The following CNTNAP5 variants were observed in gnomAD, a reference collection of about 807,000 sequenced individuals.
The protein encoded by CNTNAP5 is contactin-associated protein-like 5.
Under a neutral mutation model 150.2 loss-of-function variants are expected in CNTNAP5, and 72 were observed. The observed-to-expected ratio is 0.48, with a 90% CI of 0.40 to 0.58. The LOEUF (loss-of-function observed/expected upper bound fraction) is 0.58, where lower values mean the gene tolerates loss of function less well. Among genes scored for constraint, CNTNAP5 ranks in the 20% least tolerant of loss-of-function variants. CNTNAP5 has a pLI of 0.00. For synonymous variants in CNTNAP5, 672 were observed against 619.8 expected (o/e 1.08, Z -1.25); for missense variants, 1,636 against 1,626.2 (o/e 1.01, Z -0.10).
At chr2:124,203,264 C>T (rs778333538) in intron 1 of CNTNAP5, among the ~76,000 whole-genome samples, 1 of 152,188 alleles carries the variant, frequency 6.6e-6, no homozygotes, top group Non-Finnish European at 1.5e-5. Flanking sequence ...CCAGGTCATG[C>T]CAGTGAAAGA....
intron 1 of CNTNAP5, among the ~76,000 whole-genome samples, chr2:124,102,331 A>G (rs1683083245): frequency 6.6e-6 from 1 of 152,188 alleles, no homozygotes; most frequent in Non-Finnish European, 1.5e-5. Context: ...AAATTGCTGA[A>G]TAATAAAATA....
intron 12 of CNTNAP5, among the ~76,000 whole-genome samples, chr2:124,638,024 T>C (rs190159533): frequency 6.6e-6 from 1 of 152,158 alleles, no homozygotes; most frequent in Admixed American, 6.5e-5. Context: ...TCATTGTTTC[T>C]GGGCCCTTTC....
intron 3 of CNTNAP5, among the ~76,000 whole-genome samples, chr2:124,406,499 T>C (rs1227371790): frequency 6.6e-6 from 1 of 152,216 alleles, no homozygotes; most frequent in Non-Finnish European, 1.5e-5. Flanking sequence ...TGAACTGACT[T>C]TTAAAATGTT....
chr2:124,467,945 A>G (rs1186627607), intron 6 of CNTNAP5, among the ~76,000 whole-genome samples: 1 of 152,136 alleles, frequency 6.6e-6, no homozygotes, highest in Admixed American at 6.6e-5. Context: ...TATTGGGTAT[A>G]TATTGGGTTA....
At chr2:124,796,538 T>C (rs1168849422) in intron 18 of CNTNAP5, among the ~76,000 whole-genome samples, 1 of 152,206 alleles carries the variant, frequency 6.6e-6, no homozygotes, top group East Asian at 1.9e-4. Flanking sequence ...CAAAACACTT[T>C]CTCTGAACCT....
chr2:124,155,348 C>T (rs1447208359), intron 1 of CNTNAP5, among the ~76,000 whole-genome samples: 1 of 152,036 alleles, frequency 6.6e-6, no homozygotes, highest in Non-Finnish European at 1.5e-5. Flanking sequence ...TTTCATTTGC[C>T]AATACCACTT....
intron 3 of CNTNAP5, among the ~76,000 whole-genome samples, chr2:124,293,373 G>A (rs1182363784): frequency 1.3e-5 from 2 of 151,958 alleles, no homozygotes; most frequent in Non-Finnish European, 2.9e-5. Flanking sequence ...GCATTGAATA[G>A]TATTCTCTGA....
intron 13 of CNTNAP5, among the ~76,000 whole-genome samples, chr2:124,739,942 GA>G (rs1256834869): frequency 3.9e-5 from 6 of 151,966 alleles, no homozygotes; most frequent in Non-Finnish European, 5.9e-5. Flanking sequence ...TAAATGTTAT[GA>G]GCTCTTTTAG....
At chr2:124,585,036 T>C (rs4848940) in intron 11 of CNTNAP5, among the ~76,000 whole-genome samples, 75,530 of 152,006 alleles carry the variant, frequency 0.5, 19,248 homozygotes, top group East Asian at 0.72. Flanking sequence ...CCAGAAGGCT[T>C]CAGGAACCGT....
Position 124,366,842 on chromosome 2 carries a change from G to A in CNTNAP5, c.382-50601G>A, listed in dbSNP as rs559135898. ...CGCTCCTACACATGGGCCAGTCTTA[G>A]GTAGGCCCCAGGAAGGAGGCATAAC... is the stretch of plus-strand genomic sequence containing the variant. On this transcript the variant is annotated intron_variant, in intron 3 of 23. Transcript: ENST00000682447. Among the ~76,000 whole-genome samples, 221 of 152,224 alleles carry A rather than the reference G, an allele frequency of 1.5e-3. 1 individual carries two copies. Among genetic ancestry groups the A allele is most frequent in the African/African-American group, 5.2e-3 (214 of 41,538 alleles).
intron 10 of CNTNAP5, among the ~76,000 whole-genome samples, chr2:124,531,178 C>T (rs755353334): frequency 3.3e-5 from 5 of 151,790 alleles, no homozygotes; most frequent in Non-Finnish European, 7.4e-5. Flanking sequence ...GAGTGTGCAA[C>T]CTGGATCCCT....
Position 124,713,180 on chromosome 2 carries a change from CTCCT to C in CNTNAP5, c.2078-34036_2078-34033del, listed in dbSNP as rs1553434363. ...CCTCCCTCCCTCCCTCTCTCTTTTC[CTCCT>C]TCCTTCCTTCCTCCCTCCCTTCCTT... On this transcript the variant is annotated intron_variant, in intron 13 of 23. Transcript: ENST00000682447. Among the ~76,000 whole-genome samples the C allele has an allele frequency of 1.7e-4, 17 of 101,366 alleles. 1 individual carries two copies. Among genetic ancestry groups the C allele is most frequent in the East Asian group, 7.1e-4 (2 of 2,806 alleles). The allele number at this position is 101,366 out of a possible 152,430, so 66.5% of individuals were successfully genotyped here.
chr2:124,505,921 A>G (rs1383811947), intron 8 of CNTNAP5, among the ~76,000 whole-genome samples: 1 of 152,210 alleles, frequency 6.6e-6, no homozygotes, highest in Non-Finnish European at 1.5e-5. Flanking sequence ...AACATCCATC[A>G]TGGATTATAC....
intron 13 of CNTNAP5, among the ~76,000 whole-genome samples, chr2:124,689,653 G>A (rs1270187455): frequency 6.6e-6 from 1 of 152,076 alleles, no homozygotes; most frequent in South Asian, 2.1e-4. Context: ...GAATGTGCAT[G>A]TGTGTTTATG....
chr2:124,082,822 T>C (rs945183648), intron 1 of CNTNAP5, among the ~76,000 whole-genome samples: 2 of 152,224 alleles, frequency 1.3e-5, no homozygotes, highest in Admixed American at 6.5e-5. Flanking sequence ...CACTATTTTT[T>C]ACTTTAGACA....
At chr2:124,460,786 A>G (rs2104820410) in intron 6 of CNTNAP5, among the ~76,000 whole-genome samples, 1 of 152,314 alleles carries the variant, frequency 6.6e-6, no homozygotes, top group South Asian at 2.1e-4. Context: ...TCTCTCTAAT[A>G]ACAGACCTGA....
rs187391126 is a variant in CNTNAP5, at chr2:124,369,531, G to A, written c.382-47912G>A. ...GCATTGGTATGTTCTAGAAGTTCCT[G>A]CGGTGATTCTAAATCAGAGATAGGG... On this transcript the variant is annotated intron_variant, in intron 3 of 23. Coordinates refer to ENST00000682447, the MANE Select transcript of CNTNAP5 (RefSeq NM_001367498.1). Among the ~76,000 whole-genome samples, 89 of 152,274 alleles carry A rather than the reference G, an allele frequency of 5.8e-4. No individual in the cohort carries two copies. The East Asian group carries it at 8.3e-3, about 14-fold the overall frequency.
At chr2:124,327,784 T>C (rs1388611777) in intron 3 of CNTNAP5, among the ~76,000 whole-genome samples, 1 of 152,170 alleles carries the variant, frequency 6.6e-6, no homozygotes, top group Non-Finnish European at 1.5e-5. Flanking sequence ...CATGTATTTA[T>C]TGATGTCTCA....
intron 12 of CNTNAP5, among the ~76,000 whole-genome samples, chr2:124,619,097 T>C (rs1677549986): frequency 6.6e-6 from 1 of 152,194 alleles, no homozygotes; most frequent in African/African-American, 2.4e-5. Flanking sequence ...AGTTCTCGGC[T>C]TCATACCTCC....
Sources: gnomAD v4.1 joint callset for allele counts (sites outside exome capture counted in the v4.1 genomes callset) on GRCh38, gnomAD v4.1.1 for gene constraint, MANE v1.5 for transcripts, NCBI Gene and HGNC (gene_info 2026-07-23, HGNC 2026-07-21) for gene names.